Variants in CD53 observed in about 807,000 individuals in gnomAD.
CD53 encodes CD53 molecule, also known as leukocyte surface antigen CD53.
A neutral mutation model predicts 27.3 loss-of-function variants in CD53; 20 were observed. The ratio of observed to expected loss-of-function variants is 0.73; its 90% CI spans 0.52 to 1.07. The LOEUF is 1.07. Among genes scored for constraint, CD53 ranks in the 50% least tolerant of loss-of-function variants. The pLI is 0.00. For missense variants in CD53, 216 were observed against 264.0 expected (o/e 0.82, Z 1.26); for synonymous variants, 106 against 105.3 (o/e 1.01, Z -0.04).
At chr1:110,891,286 A>T (rs1239650564) in intron 1 of CD53, 106 bp from the exon 2 acceptor site, 3 of 788,654 alleles carry the variant, frequency 3.8e-6, no homozygotes, top group Non-Finnish European at 4.4e-6. Context: ...GGAGAGCCAC[A>T]GCTCAAACCC....
At chr1:110,872,108 A>G, upstream of CD53, among the ~76,000 whole-genome samples, 1 of 152,178 alleles carries the variant, frequency 6.6e-6, no homozygotes, top group East Asian at 1.9e-4. Flanking sequence ...CATTTATAAG[A>G]TGAAAACATT....
chr1:110,897,957 T>C, intron 7 of CD53, 65 bp downstream of exon 7: 1 of 847,198 alleles, frequency 1.2e-6, no homozygotes, highest in Non-Finnish European at 2.0e-6. Context: ...GATTTCAGAA[T>C]AATACCAGGT....
chr1:110,873,676 C>T (rs1656029096), intron 1 of CD53, among the ~76,000 whole-genome samples: 1 of 152,148 alleles, frequency 6.6e-6, no homozygotes, highest in Non-Finnish European at 1.5e-5. Flanking sequence ...AGCTAGAAGA[C>T]ACAGTTCTTT....
At chr1:110,874,351 T>C (rs2101034329) in intron 1 of CD53, among the ~76,000 whole-genome samples, 1 of 152,310 alleles carries the variant, frequency 6.6e-6, no homozygotes, top group South Asian at 2.1e-4. Flanking sequence ...AAGTGGTAGG[T>C]GCCTCCTGAG....
At chr1:110,897,061 GTA>G (rs1557821845) in intron 6 of CD53, among the ~76,000 whole-genome samples, 1 of 152,196 alleles carries the variant, frequency 6.6e-6, no homozygotes, top group African/African-American at 2.4e-5. Context: ...AAAGTGAAAT[GTA>G]TAGGGTTGAG....
At chr1:110,871,513 G>T (rs935885691), upstream of CD53, among the ~76,000 whole-genome samples, 1 of 152,104 alleles carries the variant, frequency 6.6e-6, no homozygotes, top group East Asian at 1.9e-4. Context: ...TCAAACTGAA[G>T]TTGGATATTG....
intron 4 of CD53, 116 bp downstream of exon 4, chr1:110,894,517 A>T (rs1656981588): frequency 2.5e-6 from 2 of 800,560 alleles, no homozygotes; most frequent in Non-Finnish European, 4.3e-6. Flanking sequence ...AATGAAGTGG[A>T]AGGATAGAGG....
chr1:110,874,985 T>A (rs1346497963), intron 1 of CD53, among the ~76,000 whole-genome samples: 1 of 152,184 alleles, frequency 6.6e-6, no homozygotes, highest in African/African-American at 2.4e-5. Flanking sequence ...TTATTATGGA[T>A]GACAGTCACA....
At chr1:110,886,869 A>ATATATATTT (rs1298376721) in intron 1 of CD53, among the ~76,000 whole-genome samples, 3,870 of 82,474 alleles carry the variant, frequency 0.047, 191 homozygotes, top group Admixed American at 0.13. Flanking sequence ...ATATATATAT[A>ATATATATTT]TTTTTTTTTT....
intron 3 of CD53, among the ~76,000 whole-genome samples, chr1:110,893,736 G>A (rs535219952): frequency 1.2e-4 from 18 of 152,192 alleles, no homozygotes; most frequent in Non-Finnish European, 2.5e-4. Context: ...CATGGGGTAA[G>A]GCAAATGTTT....
chr1:110,887,599 C>T (rs6685501), intron 1 of CD53, among the ~76,000 whole-genome samples: 97,381 of 152,026 alleles, frequency 0.64, 33,222 homozygotes, highest in Non-Finnish European at 0.77. Context: ...TGTTTAATAT[C>T]TTGGGCCCTT....
chr1:110,888,211 T>A (rs1375001198), intron 1 of CD53, among the ~76,000 whole-genome samples: 1 of 152,176 alleles, frequency 6.6e-6, no homozygotes, highest in African/African-American at 2.4e-5. Context: ...AATAATAAAT[T>A]TGCGTTGCTA....
intron 2 of CD53, among the ~76,000 whole-genome samples, 195 bp downstream of exon 2, chr1:110,891,666 G>T (rs989179359): frequency 3.3e-5 from 5 of 152,128 alleles, no homozygotes; most frequent in Non-Finnish European, 7.4e-5. Flanking sequence ...AAATTGAAAG[G>T]TACCAGTGCA....
Position 110,891,433 on chromosome 1 carries a change from C to T in CD53, c.25C>T (p.Leu9=). The T allele has an allele frequency of 1.2e-6, 2 of 1,613,932 alleles. No individual in the cohort carries two copies. Among genetic ancestry groups the T allele is most frequent in the Non-Finnish European group, 1.7e-6 (2 of 1,179,826 alleles). The part of the protein sequence containing the change: MGMSSLKL[L]KYVLFFFNLL... ...CATGGGCATGAGTAGCTTGAAACTG[C>T]TGAAGTATGTCCTGTTTTTCTTCAA... The change falls in exon 2 of 8, where the codon CTG becomes TTG. Residue 9 remains leucine (L), a synonymous_variant. Coordinates refer to ENST00000271324, the MANE Select transcript of CD53 (RefSeq NM_000560.4).
rs141935496 is a variant in CD53, at chr1:110,886,846, A to AAGATAT, written c.-17-4545_-17-4544insGATATA. Among the ~76,000 whole-genome samples, 71 of 100,992 alleles carry AAGATAT rather than the reference A, an allele frequency of 7.0e-4. 4 individuals are homozygous for AAGATAT. Among genetic ancestry groups the AAGATAT allele is most frequent in the Middle Eastern group, 0.012 (2 of 166 alleles). The allele number at this position is 100,992 out of a possible 152,430, so 66.3% of individuals were successfully genotyped here. ...GGCAACAGAGCGAGACTCTGTCTCC[A>AAGATAT]ATATATATATATATATATATATATT... On this transcript the variant is annotated intron_variant, in intron 1 of 7. Transcript: ENST00000271324.
chr1:110,889,432 G>A (rs1463937011), intron 1 of CD53, among the ~76,000 whole-genome samples: 2 of 151,976 alleles, frequency 1.3e-5, no homozygotes, highest in African/African-American at 2.4e-5. Flanking sequence ...GGTGACGGGC[G>A]CCTGTAACCC....
chr1:110,894,331 T>A lies in CD53; in HGVS notation c.257T>A (p.Phe86Tyr). Residue 86 changes from phenylalanine to tyrosine, a missense_variant, in exon 4 of 8, where the codon TTC becomes TAC. Coordinates refer to ENST00000271324, the MANE Select transcript of CD53 (RefSeq NM_000560.4). ...KENKCLLMSF[F>Y]ILLLIILLAE... ...AATGTATCTGCTTTGTCCCAGTTCT[T>A]CATCCTGCTGCTGATTATCCTCCTT... The A allele has an allele frequency of 6.2e-7, 1 of 1,614,054 alleles. No individual in the cohort carries two copies. Among genetic ancestry groups the A allele is most frequent in the Non-Finnish European group, 8.5e-7 (1 of 1,179,914 alleles).
At chr1:110,895,077 T>C (rs199590711) in intron 5 of CD53, 22 bp downstream of exon 5, 56 of 1,538,860 alleles carry the variant, frequency 3.6e-5, no homozygotes, top group Non-Finnish European at 4.4e-5. Flanking sequence ...TGGAATCCTC[T>C]TCAGATCAGC....
In CD53 at chr1:110,897,908, C is replaced by A; in HGVS notation, c.588+16C>A. ...TGTGATTGAGGTAAGAGCTTAACCACAGGGTTATTGTGAGGATTACATGAG... is the reference window on the plus strand; with the variant it reads ...TGTGATTGAGGTAAGAGCTTAACCAAAGGGTTATTGTGAGGATTACATGAG... On this transcript the variant is annotated intron_variant, in intron 7 of 7. Transcript: ENST00000271324. 3 of 1,485,478 alleles carry A rather than the reference C, an allele frequency of 2.0e-6. No individual in the cohort carries two copies. In the Admixed American group the frequency reaches 5.1e-5, roughly 25 times the overall value. The allele number at this position is 1,485,478 out of a possible 1,614,324, so 92.0% of individuals were successfully genotyped here. A position where few individuals can be genotyped will look rare whatever the true frequency, so the allele number is the denominator to read the frequency against.
Sources: gnomAD v4.1 joint callset for allele counts (sites outside exome capture counted in the v4.1 genomes callset) on GRCh38, gnomAD v4.1.1 for gene constraint, MANE v1.5 for transcripts, NCBI Gene and HGNC (gene_info 2026-07-23, HGNC 2026-07-21) for gene names.